The following GMCL1 variants were observed in gnomAD, a reference collection of about 807,000 sequenced individuals.
GMCL1 encodes the protein germ cell-less 1, spermatogenesis associated.
A neutral mutation model predicts 75.5 loss-of-function variants in GMCL1; 54 were observed. The observed-to-expected ratio is 0.71, with a 90% confidence interval of 0.57 to 0.90. GMCL1 has a LOEUF of 0.90. GMCL1 is among the 40% of genes least tolerant of loss of function. GMCL1 has a pLI of 0.00. For missense variants in GMCL1, 537 were observed against 622.7 expected (o/e 0.86, Z 1.47); for synonymous variants, 210 against 209.6 (o/e 1.00, Z -0.02).
chr2:69,849,937 G>A (rs1675264781), intron 8 of GMCL1, among the ~76,000 whole-genome samples, 195 bp downstream of exon 8: 1 of 152,056 alleles, frequency 6.6e-6, no homozygotes, highest in African/African-American at 2.4e-5. Context: ...AGAAAATCAA[G>A]GCTAGATAAG....
At chr2:69,862,368 T>C (rs1023109227) in intron 10 of GMCL1, among the ~76,000 whole-genome samples, 1 of 152,184 alleles carries the variant, frequency 6.6e-6, no homozygotes, top group African/African-American at 2.4e-5. Flanking sequence ...ATGATGATTA[T>C]GTCATTTTTA....
chr2:69,855,782 A>G (rs1675451709), intron 9 of GMCL1, among the ~76,000 whole-genome samples: 1 of 152,200 alleles, frequency 6.6e-6, no homozygotes, highest in Admixed American at 6.5e-5. Context: ...CATTGCTTAT[A>G]GTATAGCAGT....
At position 69,880,074 on chromosome 2, in the gene GMCL1, TA is replaced by T. The variant is rs1242154573; in HGVS notation, c.*1071del. The T allele has an allele frequency of 6.6e-6, 1 of 152,222 alleles. No homozygotes were observed. The highest frequency in any genetic ancestry group is 2.4e-5 in the African/African-American group (1 of 41,470). The allele number at this position is 152,222 out of a possible 1,614,324, so 9.4% of individuals were successfully genotyped here. ...ACTTATTTTTGTCAAAAATGAGATG[TA>T]CACTTGTCATGATTTATGTATGTTG... On this transcript the variant is annotated 3_prime_UTR_variant, in exon 14 of 14. Coordinates refer to ENST00000282570, the MANE Select transcript of GMCL1 (RefSeq NM_178439.5).
chr2:69,848,394 G>T (rs1675216227), intron 7 of GMCL1, among the ~76,000 whole-genome samples: 1 of 152,168 alleles, frequency 6.6e-6, no homozygotes, highest in Admixed American at 6.5e-5. Context: ...TACTATCTGG[G>T]CTATCCAATC....
chr2:69,866,973 C>G (rs143268756), intron 11 of GMCL1, among the ~76,000 whole-genome samples: 127 of 151,342 alleles, frequency 8.4e-4, no homozygotes, highest in African/African-American at 3.1e-3. Context: ...GAGACAGAGT[C>G]TCACTCTGTT....
chr2:69,864,213 TTTA>T (rs1241800484), intron 10 of GMCL1, among the ~76,000 whole-genome samples: 1 of 152,062 alleles, frequency 6.6e-6, no homozygotes, highest in Non-Finnish European at 1.5e-5. Context: ...GTTTCATTAT[TTTA>T]TTATGTATTA....
intron 9 of GMCL1, among the ~76,000 whole-genome samples, chr2:69,855,614 T>A (rs779231577): frequency 1.3e-5 from 2 of 152,164 alleles, no homozygotes; most frequent in Non-Finnish European, 2.9e-5. Flanking sequence ...TGTTTATAGA[T>A]TTTTGTTCCT....
At chr2:69,832,213 C>G (rs1674694441) in intron 1 of GMCL1, among the ~76,000 whole-genome samples, 1 of 146,770 alleles carries the variant, frequency 6.8e-6, no homozygotes, top group Non-Finnish European at 1.5e-5. Context: ...AAGTGAGACT[C>G]TGTCTCAAAA....
chr2:69,836,656 G>A (rs1332951578), intron 1 of GMCL1, among the ~76,000 whole-genome samples: 2 of 152,224 alleles, frequency 1.3e-5, no homozygotes, highest in African/African-American at 4.8e-5. Context: ...TATGTGCTAG[G>A]AAAGCTTTCA....
intron 8 of GMCL1, among the ~76,000 whole-genome samples, chr2:69,852,517 G>T (rs960057760): frequency 6.6e-6 from 1 of 150,472 alleles, no homozygotes; most frequent in South Asian, 2.1e-4. Flanking sequence ...TCCCTCACTC[G>T]TTATATTTTG....
chr2:69,869,945 A>G (rs1289558136), intron 12 of GMCL1, 81 bp downstream of exon 12: 1 of 1,404,654 alleles, frequency 7.1e-7, no homozygotes, highest in South Asian at 1.3e-5. Flanking sequence ...TTACACCAAC[A>G]TTAGTAGAAC....
At chr2:69,875,834 A>G (rs1676115015) in intron 13 of GMCL1, among the ~76,000 whole-genome samples, 2 of 151,630 alleles carry the variant, frequency 1.3e-5, no homozygotes, top group African/African-American at 4.8e-5. Flanking sequence ...AGCTGGGATT[A>G]TAGGCACATG....
At chr2:69,866,723 C>T (rs993622585) in intron 11 of GMCL1, among the ~76,000 whole-genome samples, 2 of 152,094 alleles carry the variant, frequency 1.3e-5, no homozygotes, top group Non-Finnish European at 2.9e-5. Flanking sequence ...CCTTAGCCTC[C>T]CAAAGTGCTA....
In GMCL1 at chr2:69,848,048, A is replaced by G. The variant is rs193001681; in HGVS notation, c.843+421A>G. Among the ~76,000 whole-genome samples, 19 of 152,238 alleles carry G rather than the reference A, an allele frequency of 1.2e-4. No homozygotes were observed. The East Asian group carries it at 3.7e-3, about 29-fold the overall frequency. On this transcript the variant is annotated intron_variant, in intron 7 of 13. Transcript: ENST00000282570. ...TGTTTGTGTGTCTGGCATATGTTTTACTTCATGCTTTTGAAAAGTTTCAAC... is the reference window on the plus strand; with the variant it reads ...TGTTTGTGTGTCTGGCATATGTTTTGCTTCATGCTTTTGAAAAGTTTCAAC...
In GMCL1 at chr2:69,869,742, T is replaced by C. The variant is rs1370284916; in HGVS notation, c.1242T>C (p.Phe414=). The C allele has an allele frequency of 1.1e-5, 17 of 1,613,948 alleles. No homozygotes were observed. Among genetic ancestry groups the C allele is most frequent in the Non-Finnish European group, 1.4e-5 (17 of 1,179,994 alleles). ...DGEYCWRWTG[F]NFGFDLLVTY... ...AGTACTGCTGGCGTTGGACAGGTTT[T>C]AACTTCGGCTTCGACCTACTTGTAA... Residue 414 remains phenylalanine (F), a synonymous_variant, in exon 12 of 14, where the codon TTT becomes TTC. Transcript: ENST00000282570.
chr2:69,857,888 CA>C (rs1675524910), intron 9 of GMCL1, among the ~76,000 whole-genome samples: 1 of 152,176 alleles, frequency 6.6e-6, no homozygotes, highest in Non-Finnish European at 1.5e-5. Flanking sequence ...TTCACTTAAA[CA>C]AAAAATACTG....
At chr2:69,834,586 A>G (rs1674769092) in intron 1 of GMCL1, among the ~76,000 whole-genome samples, 1 of 152,130 alleles carries the variant, frequency 6.6e-6, no homozygotes. Flanking sequence ...TTGATGAAAA[A>G]TTTGATTCTG....
At chr2:69,838,968 C>T (rs1674901570) in intron 2 of GMCL1, among the ~76,000 whole-genome samples, 1 of 152,280 alleles carries the variant, frequency 6.6e-6, no homozygotes, top group South Asian at 2.1e-4. Flanking sequence ...ATGAGGAGTG[C>T]TATCTGGCAG....
chr2:69,865,008 T>C (rs1327161275), intron 11 of GMCL1, 33 bp downstream of exon 11: 3 of 1,490,998 alleles, frequency 2.0e-6, no homozygotes, highest in Non-Finnish European at 2.8e-6. Flanking sequence ...AATATTCTTA[T>C]ACAAATTGTA....
Sources: allele counts gnomAD v4.1 joint callset (sites outside exome capture counted in the v4.1 genomes callset), GRCh38; gene constraint gnomAD v4.1.1; transcripts MANE v1.5; gene names NCBI Gene and HGNC (gene_info 2026-07-23, HGNC 2026-07-21).